Variants in SLIT3 observed in about 807,000 individuals in gnomAD.
SLIT3 encodes the protein slit homolog 3 protein.
SLIT3 carries 68 observed loss-of-function variants against 184.0 expected under a neutral mutation model. The ratio of observed to expected loss-of-function variants is 0.37; its 90% CI spans 0.30 to 0.45. The LOEUF (loss-of-function observed/expected upper bound fraction) is 0.45, where lower values mean the gene tolerates loss of function less well. Among genes scored for constraint, SLIT3 ranks in the 20% least tolerant of loss-of-function variants. The probability of loss-of-function intolerance (pLI) is 1.00; values close to 1 mark genes in which losing one functional copy is unlikely to be tolerated. For synonymous variants in SLIT3, 831 were observed against 828.6 expected (o/e 1.00, Z -0.05); for missense variants, 1,707 against 2,026.0 (o/e 0.84, Z 3.02).
rs753930390 is a variant in SLIT3 at position 168,772,974 on chromosome 5, A to G, written c.1296-30T>C. 3.2e-6 allele frequency: 5 copies of G among 1,563,488 alleles called. No individual in the cohort carries two copies. In the Admixed American group the frequency reaches 9.1e-5, roughly 28 times the overall value. Reference sequence around the variant, plus strand: ...GAGAGGGATGGGGCCGTTAATCAGGAGTGACCCACGGCGTCTTGCTCCACC... The same window carrying G: ...GAGAGGGATGGGGCCGTTAATCAGGGGTGACCCACGGCGTCTTGCTCCACC... On this transcript the variant is annotated intron_variant, in intron 13 of 35. Transcript: ENST00000519560.
rs182543459 is a variant in SLIT3 at position 168,902,777 on chromosome 5, C to A, written c.414-19441G>T. Among the ~76,000 whole-genome samples, 5 of 152,316 alleles carry A rather than the reference C, an allele frequency of 3.3e-5. No individual in the cohort carries two copies. In the East Asian group the frequency reaches 7.7e-4, roughly 24 times the overall value. ...TAAAGCTTGCTGGGCAGAGGGGACA[C>A]TGCACGAGGATTCTGAGGTGGCTGA... On this transcript the variant is annotated intron_variant, in intron 4 of 35. Transcript: ENST00000519560.
At chr5:169,145,199 T>C (rs746211845) in intron 4 of SLIT3, among the ~76,000 whole-genome samples, 14 of 152,150 alleles carry the variant, frequency 9.2e-5, no homozygotes, top group Admixed American at 4.6e-4. Context: ...CTGACCAGAA[T>C]TGCCGGGCTC....
chr5:168,906,433 A>C (rs1036349980), intron 4 of SLIT3, among the ~76,000 whole-genome samples: 1 of 152,248 alleles, frequency 6.6e-6, no homozygotes, highest in Non-Finnish European at 1.5e-5. Context: ...AAAAGAGTTT[A>C]AAATAAGTGA....
chr5:169,169,980 T>C (rs1429486758), intron 4 of SLIT3, among the ~76,000 whole-genome samples: 3 of 152,204 alleles, frequency 2.0e-5, no homozygotes, highest in East Asian at 3.9e-4. Flanking sequence ...GGCAGGCAGT[T>C]CAGGAATGCC....
intron 5 of SLIT3, among the ~76,000 whole-genome samples, chr5:168,861,744 G>A (rs917797803): frequency 6.6e-6 from 1 of 152,306 alleles, no homozygotes; most frequent in African/African-American, 2.4e-5. Flanking sequence ...GGCTGGAAAG[G>A]TGTAAATGCT....
chr5:168,915,528 T>C (rs1464842189), intron 4 of SLIT3, among the ~76,000 whole-genome samples: 1 of 152,224 alleles, frequency 6.6e-6, no homozygotes, highest in Admixed American at 6.5e-5. Context: ...ATAGTTGTTA[T>C]AAAACAGCTT....
intron 4 of SLIT3, among the ~76,000 whole-genome samples, chr5:169,006,168 G>A (rs1292185069): frequency 2.0e-5 from 3 of 152,178 alleles, no homozygotes; most frequent in African/African-American, 4.8e-5. Context: ...CTGTCTTACT[G>A]TAATTCAGGG....
intron 4 of SLIT3, among the ~76,000 whole-genome samples, chr5:168,915,978 T>C (rs138074787): frequency 6.6e-6 from 1 of 152,370 alleles, no homozygotes; most frequent in East Asian, 1.9e-4. Flanking sequence ...TTCTTTTTCT[T>C]ATGATACTTT....
At chr5:169,223,988 A>G (rs1764706151) in intron 3 of SLIT3, among the ~76,000 whole-genome samples, 1 of 152,218 alleles carries the variant, frequency 6.6e-6, no homozygotes, top group African/African-American at 2.4e-5. Flanking sequence ...GGCTTTTGAC[A>G]TTGTAATCAT....
chr5:169,136,922 A>G (rs1449195982), intron 4 of SLIT3, among the ~76,000 whole-genome samples: 1 of 151,966 alleles, frequency 6.6e-6, no homozygotes, highest in African/African-American at 2.4e-5. Context: ...GGGTCTCCCT[A>G]TTTTGCCCAG....
At chr5:168,952,811 G>A (rs1340129170) in intron 4 of SLIT3, among the ~76,000 whole-genome samples, 3 of 152,216 alleles carry the variant, frequency 2.0e-5, no homozygotes, top group African/African-American at 7.2e-5. Flanking sequence ...CATTGCGATG[G>A]GTGTGGGACC....
At chr5:169,253,581 C>T (rs1172608091) in intron 1 of SLIT3, among the ~76,000 whole-genome samples, 1 of 152,152 alleles carries the variant, frequency 6.6e-6, no homozygotes, top group Admixed American at 6.5e-5. Context: ...ACAATCTTGA[C>T]CTCAGGAGCT....
At chr5:168,993,422 G>A (rs905025372) in intron 4 of SLIT3, among the ~76,000 whole-genome samples, 1 of 152,204 alleles carries the variant, frequency 6.6e-6, no homozygotes, top group African/African-American at 2.4e-5. Context: ...TCATCTCTCA[G>A]AAGCAGGCAG....
At chr5:169,240,700 G>T in intron 3 of SLIT3, among the ~76,000 whole-genome samples, 1 of 147,168 alleles carries the variant, frequency 6.8e-6, no homozygotes. Context: ...TTTTTTAATT[G>T]GAGAATTAGT....
At chr5:169,061,800 G>A (rs530805336) in intron 4 of SLIT3, among the ~76,000 whole-genome samples, 21 of 152,166 alleles carry the variant, frequency 1.4e-4, no homozygotes, top group African/African-American at 4.8e-4. Context: ...AGATCATGAC[G>A]GATACCCTCA....
intron 4 of SLIT3, among the ~76,000 whole-genome samples, chr5:169,140,089 A>G (rs1761668289): frequency 6.6e-6 from 1 of 151,916 alleles, no homozygotes; most frequent in Non-Finnish European, 1.5e-5. Context: ...CTGGGGAGCA[A>G]GAGTCCAGGG....
chr5:169,096,735 C>T (rs1759800992), intron 4 of SLIT3, among the ~76,000 whole-genome samples: 1 of 152,194 alleles, frequency 6.6e-6, no homozygotes, highest in African/African-American at 2.4e-5. Flanking sequence ...TCGCTATGGG[C>T]ATGATCTCAT....
Position 168,966,682 on chromosome 5 carries a change from T to C in SLIT3, c.414-83346A>G, listed in dbSNP as rs114060058. ...AAAACCTATTTCTGGGCACTCTAAA[T>C]ATCCCCCATGCCTACTCCTCTTCTG... On this transcript the variant is annotated intron_variant, in intron 4 of 35. Coordinates refer to ENST00000519560, the MANE Select transcript of SLIT3 (RefSeq NM_003062.4). 2.2e-3 allele frequency among the ~76,000 whole-genome samples: 330 copies of C among 152,318 alleles called. 2 individuals carry two copies. The highest frequency in any genetic ancestry group is 4.0e-3 in the Non-Finnish European group (273 of 68,032).
At chr5:169,042,426 C>G (rs948743399) in intron 4 of SLIT3, among the ~76,000 whole-genome samples, 1 of 152,212 alleles carries the variant, frequency 6.6e-6, no homozygotes, top group African/African-American at 2.4e-5. Flanking sequence ...AGGCTTCACT[C>G]TTTGCATTAG....
Sources: allele counts gnomAD v4.1 joint callset (sites outside exome capture counted in the v4.1 genomes callset), GRCh38; gene constraint gnomAD v4.1.1; transcripts MANE v1.5; gene names NCBI Gene and HGNC (gene_info 2026-07-23, HGNC 2026-07-21).